The following HTR1F variants were observed in gnomAD, a reference collection of about 807,000 sequenced individuals.
HTR1F encodes the protein 5-hydroxytryptamine (serotonin) receptor 1F, G protein-coupled.
HTR1F carries 17 observed loss-of-function variants against 24.0 expected under a neutral mutation model. The observed-to-expected ratio is 0.71, with a 90% CI of 0.48 to 1.06. The LOEUF (loss-of-function observed/expected upper bound fraction) is 1.06, where lower values mean the gene tolerates loss of function less well. HTR1F is among the 50% of genes least tolerant of loss of function. HTR1F has a pLI of 0.00. For synonymous variants in HTR1F, 186 were observed against 156.8 expected (o/e 1.19, Z -1.39); for missense variants, 391 against 427.8 (o/e 0.91, Z 0.76).
At chr3:87,839,000 T>A (rs1161635439) in intron 2 of HTR1F, among the ~76,000 whole-genome samples, 1 of 144,658 alleles carries the variant, frequency 6.9e-6, no homozygotes, top group Non-Finnish European at 1.5e-5. Context: ...GTTCTTTTTA[T>A]TTATTTATTT....
At chr3:87,966,182 G>C (rs1705158765) in intron 2 of HTR1F, among the ~76,000 whole-genome samples, 1 of 152,116 alleles carries the variant, frequency 6.6e-6, no homozygotes, top group African/African-American at 2.4e-5. Context: ...TCAGGTAGTG[G>C]AAGAAGCCAA....
At chr3:87,808,883 G>C (rs1187151669) in intron 1 of HTR1F, among the ~76,000 whole-genome samples, 1 of 151,760 alleles carries the variant, frequency 6.6e-6, no homozygotes, top group African/African-American at 2.4e-5. Context: ...TTGTTCAGGA[G>C]CATGTTGTTT....
At chr3:87,826,971 C>T (rs1365596956) in intron 2 of HTR1F, among the ~76,000 whole-genome samples, 17 of 151,976 alleles carry the variant, frequency 1.1e-4, no homozygotes, top group African/African-American at 2.9e-4. Context: ...CCACCATGCC[C>T]GGCTAATTTG....
intron 2 of HTR1F, among the ~76,000 whole-genome samples, chr3:87,854,595 T>G (rs1356181045): frequency 2.6e-5 from 4 of 152,028 alleles, no homozygotes; most frequent in Admixed American, 2.6e-4. Context: ...TTTGATATCC[T>G]CCTTTGTCTG....
chr3:87,927,765 A>G (rs1704162619), intron 2 of HTR1F, among the ~76,000 whole-genome samples: 1 of 152,196 alleles, frequency 6.6e-6, no homozygotes, highest in African/African-American at 2.4e-5. Flanking sequence ...ACCTGTACAA[A>G]GCATAGTGCT....
intron 2 of HTR1F, among the ~76,000 whole-genome samples, chr3:87,937,242 C>T (rs186246772): frequency 6.6e-6 from 1 of 152,186 alleles, no homozygotes; most frequent in Non-Finnish European, 1.5e-5. Context: ...AAAATACTTG[C>T]AAACTGAATC....
Position 87,949,949 on chromosome 3 carries a change from G to A in HTR1F, c.-42-40759G>A, listed in dbSNP as rs111689882. On this transcript the variant is annotated intron_variant, in intron 2 of 2. Coordinates refer to ENST00000319595, the MANE Select transcript of HTR1F (RefSeq NM_001322209.2). Reference sequence around the variant, plus strand: ...TAACTGATGGTTCTGCAGGCTGGACGAGAAGCATGGGCTGGTATCTGCTCA... The same window carrying A: ...TAACTGATGGTTCTGCAGGCTGGACAAGAAGCATGGGCTGGTATCTGCTCA... Among the ~76,000 whole-genome samples, 297 of 152,306 alleles carry A rather than the reference G, an allele frequency of 2.0e-3. 3 individuals carry two copies. Among genetic ancestry groups the A allele is most frequent in the South Asian group, 0.016 (76 of 4,828 alleles).
rs145980637 is a variant in HTR1F, at chr3:87,963,086, G to A, written c.-42-27622G>A. ...CTGATAATGATATTTTACAAAATTT[G>A]TTAATACATGGAAAATTAATGGTCT... On this transcript the variant is annotated intron_variant, in intron 2 of 2. Coordinates refer to ENST00000319595, the MANE Select transcript of HTR1F (RefSeq NM_001322209.2). Among the ~76,000 whole-genome samples the A allele has an allele frequency of 2.6e-3, 397 of 152,016 alleles. 2 individuals are homozygous for A. Among genetic ancestry groups the A allele is most frequent in the African/African-American group, 9.3e-3 (386 of 41,484 alleles).
intron 2 of HTR1F, among the ~76,000 whole-genome samples, chr3:87,869,407 A>AGATG (rs1326019015): frequency 7.1e-6 from 1 of 140,808 alleles, no homozygotes; most frequent in Admixed American, 7.0e-5. Context: ...ATAGATAGAT[A>AGATG]GATAGATAGA....
intron 1 of HTR1F, among the ~76,000 whole-genome samples, chr3:87,797,594 C>T (rs1703926056): frequency 6.6e-6 from 1 of 151,818 alleles, no homozygotes; most frequent in Non-Finnish European, 1.5e-5. Flanking sequence ...TACTTTAATA[C>T]CTTTGAATCA....
At chr3:87,904,112 A>T (rs1359407927) in intron 2 of HTR1F, among the ~76,000 whole-genome samples, 1 of 152,104 alleles carries the variant, frequency 6.6e-6, no homozygotes, top group Non-Finnish European at 1.5e-5. Context: ...TAATAAGCAT[A>T]AAAAAACGTT....
intron 2 of HTR1F, among the ~76,000 whole-genome samples, chr3:87,900,172 AG>A (rs1406014550): frequency 6.6e-6 from 1 of 152,196 alleles, no homozygotes; most frequent in African/African-American, 2.4e-5. Flanking sequence ...TAAGGAGGCA[AG>A]GGAGTAGAAT....
At chr3:87,939,939 C>G (rs878939983) in intron 2 of HTR1F, among the ~76,000 whole-genome samples, 1 of 152,032 alleles carries the variant, frequency 6.6e-6, no homozygotes, top group Admixed American at 6.6e-5. Context: ...TTCTCTAGTT[C>G]TTTTAATTGT....
At chr3:87,947,864 T>C (rs1212186669) in intron 2 of HTR1F, among the ~76,000 whole-genome samples, 1 of 152,202 alleles carries the variant, frequency 6.6e-6, no homozygotes, top group Non-Finnish European at 1.5e-5. Context: ...TATATCTTTC[T>C]TAACACACTC....
At chr3:87,829,642 C>T (rs556100713) in intron 2 of HTR1F, among the ~76,000 whole-genome samples, 2 of 152,308 alleles carry the variant, frequency 1.3e-5, no homozygotes, top group South Asian at 2.1e-4. Context: ...GTTCCACTCA[C>T]CAAACATGCT....
intron 2 of HTR1F, among the ~76,000 whole-genome samples, chr3:87,883,087 T>C (rs1705846348): frequency 6.6e-6 from 1 of 152,084 alleles, no homozygotes; most frequent in Non-Finnish European, 1.5e-5. Context: ...CCCTCTGGGA[T>C]GAAGCTTCCA....
chr3:87,913,716 TGTG>T (rs1256641634), intron 2 of HTR1F, among the ~76,000 whole-genome samples: 1 of 152,122 alleles, frequency 6.6e-6, no homozygotes, highest in African/African-American at 2.4e-5. Flanking sequence ...GTAAAATAAA[TGTG>T]GTACAATAAA....
intron 2 of HTR1F, among the ~76,000 whole-genome samples, chr3:87,876,845 C>G (rs1313298566): frequency 6.6e-6 from 1 of 152,100 alleles, no homozygotes; most frequent in Non-Finnish European, 1.5e-5. Flanking sequence ...AGGCCCTATT[C>G]ATTCCCCTCC....
intron 2 of HTR1F, among the ~76,000 whole-genome samples, chr3:87,845,968 C>T (rs1438425844): frequency 1.3e-5 from 2 of 151,930 alleles, no homozygotes; most frequent in African/African-American, 2.4e-5. Flanking sequence ...TAGCACACAA[C>T]AGACAGGCAA....
Sources: allele counts gnomAD v4.1 joint callset (sites outside exome capture counted in the v4.1 genomes callset), GRCh38; gene constraint gnomAD v4.1.1; transcripts MANE v1.5; gene names NCBI Gene and HGNC (gene_info 2026-07-23, HGNC 2026-07-21).